Variants in CPS1 observed in about 807,000 individuals in gnomAD.
The protein encoded by CPS1 is carbamoyl-phosphate synthase [ammonia], mitochondrial.
A neutral mutation model predicts 174.6 loss-of-function variants in CPS1; 109 were observed. The ratio of observed to expected loss-of-function variants is 0.62; its 90% CI spans 0.53 to 0.73. CPS1 has a LOEUF of 0.73. Among genes scored for constraint, CPS1 ranks in the 30% least tolerant of loss-of-function variants. The pLI is 0.00. For missense variants in CPS1, 1,689 were observed against 1,821.9 expected (o/e 0.93, Z 1.33); for synonymous variants, 637 against 632.0 (o/e 1.01, Z -0.12).
chr2:210,564,407 G>T (rs1438613495), intron 1 of CPS1, among the ~76,000 whole-genome samples: 1 of 150,716 alleles, frequency 6.6e-6, no homozygotes, highest in Non-Finnish European at 1.5e-5. Context: ...ATGGAGTCTC[G>T]CTCTGTCGCC....
At chr2:210,522,095 C>T (rs1471592930) in intron 1 of CPS1, among the ~76,000 whole-genome samples, 3 of 151,890 alleles carry the variant, frequency 2.0e-5, no homozygotes, top group Non-Finnish European at 2.9e-5. Flanking sequence ...TTTTTCTGTT[C>T]CCTCTGATCT....
intron 19 of CPS1, among the ~76,000 whole-genome samples, chr2:210,609,202 C>G (rs1242871818): frequency 6.6e-6 from 1 of 151,896 alleles, no homozygotes; most frequent in African/African-American, 2.4e-5. Flanking sequence ...TTAAAGTTAG[C>G]CTTTGATTAT....
At chr2:210,503,757 C>T (rs1695207706) in intron 1 of CPS1, among the ~76,000 whole-genome samples, 1 of 152,126 alleles carries the variant, frequency 6.6e-6, no homozygotes, top group Non-Finnish European at 1.5e-5. Flanking sequence ...GTTGTTTGTT[C>T]ATAGCAGCTG....
chr2:210,548,683 T>C (rs1424755671), intron 1 of CPS1, among the ~76,000 whole-genome samples: 1 of 151,984 alleles, frequency 6.6e-6, no homozygotes, highest in Non-Finnish European at 1.5e-5. Flanking sequence ...CTTCTTGTTC[T>C]TCTTTTTTTT....
chr2:210,562,690 G>A (rs1301576115), intron 1 of CPS1, among the ~76,000 whole-genome samples: 3 of 152,054 alleles, frequency 2.0e-5, no homozygotes, highest in African/African-American at 4.8e-5. Context: ...CAGAAAGCAC[G>A]TATGTTATAT....
At chr2:210,534,097 G>A (rs1696186394) in intron 1 of CPS1, among the ~76,000 whole-genome samples, 1 of 152,190 alleles carries the variant, frequency 6.6e-6, no homozygotes, top group Non-Finnish European at 1.5e-5. Flanking sequence ...CACATATTCT[G>A]ATGAGTTAGC....
At chr2:210,493,652 G>A (rs1283887435) in intron 1 of CPS1, among the ~76,000 whole-genome samples, 3 of 152,162 alleles carry the variant, frequency 2.0e-5, no homozygotes, top group Non-Finnish European at 4.4e-5. Context: ...CGTTACTGAC[G>A]CCTTTCAGTC....
chr2:210,573,398 G>T lies in CPS1; in HGVS notation c.227G>T (p.Gly76Val). ...GCTGGTGAAGTGGTTTTTAATACTGGCCTGGGAGGGTGAGTAATGCTTTTC... is the reference window on the plus strand; with the variant it reads ...GCTGGTGAAGTGGTTTTTAATACTGTCCTGGGAGGGTGAGTAATGCTTTTC... ...SVAGEVVFNTGLGGYPEAITD... is the reference protein window; with the variant it reads ...SVAGEVVFNTVLGGYPEAITD... Residue 76 changes from glycine (G) to valine (V), a missense_variant, in exon 2 of 38, where the codon GGC becomes GTC. Gly to Val is a moderately radical substitution (Grantham distance 109). Transcript: ENST00000233072. The T allele has an allele frequency of 1.2e-6, 2 of 1,610,080 alleles. No homozygotes were observed. The highest frequency in any genetic ancestry group is 8.5e-7 in the Non-Finnish European group (1 of 1,176,538).
chr2:210,617,103 C>G (rs1699336660), intron 21 of CPS1, among the ~76,000 whole-genome samples: 1 of 151,946 alleles, frequency 6.6e-6, no homozygotes, highest in Non-Finnish European at 1.5e-5. Context: ...ATTTTTATCT[C>G]CATCATGGCC....
intron 31 of CPS1, among the ~76,000 whole-genome samples, chr2:210,659,350 G>A (rs1166501264): frequency 6.6e-6 from 1 of 152,122 alleles, no homozygotes; most frequent in African/African-American, 2.4e-5. Flanking sequence ...AGAGAAAGTA[G>A]GGGAGAGAAA....
At chr2:210,579,832 G>C in intron 5 of CPS1, 62 bp downstream of exon 5, 2 of 1,392,074 alleles carry the variant, frequency 1.4e-6, no homozygotes, top group African/African-American at 1.4e-5. Flanking sequence ...GTGTGTGTGT[G>C]TGGTGTTTCC....
At chr2:210,532,184 G>C (rs1696131175) in intron 1 of CPS1, among the ~76,000 whole-genome samples, 1 of 152,098 alleles carries the variant, frequency 6.6e-6, no homozygotes, top group South Asian at 2.1e-4. Flanking sequence ...AGGCATTTTA[G>C]AGAGCATTTA....
intron 4 of CPS1, 33 bp downstream of exon 4, chr2:210,577,543 T>A (rs755620752): frequency 2.6e-6 from 4 of 1,512,434 alleles, no homozygotes; most frequent in Non-Finnish European, 3.7e-6. Context: ...CATCATCACC[T>A]AAGGAAGGTT....
chr2:210,519,736 A>G (rs1695772409), intron 1 of CPS1: 2 of 985,208 alleles, frequency 2.0e-6, no homozygotes, highest in Non-Finnish European at 2.4e-6. Flanking sequence ...AGCATCCAGT[A>G]TGAGGGAGCA....
In CPS1 at chr2:210,512,876, A is replaced by ATATATATGGAGATATATATATATG. The variant is rs1559056038; in HGVS notation, c.3+35110_3+35111insTATATATGGAGATATATATATATG. 3.9e-5 allele frequency among the ~76,000 whole-genome samples: 2 copies of ATATATATGGAGATATATATATATG among 50,862 alleles called. 1 individual carries two copies. The highest frequency in any genetic ancestry group is 8.6e-5 in the Non-Finnish European group (2 of 23,206). 33.4% of individuals were successfully genotyped at this position (50,862 alleles called of 152,430 possible). On this transcript the variant is annotated intron_variant, in intron 1 of 38. Transcript: ENST00000430249. ...TATATATATATAGATATATATATAT[A>ATATATATGGAGATATATATATATG]GAGATATATATATGGAGATATATAT...
At chr2:210,564,101 C>A (rs1457646024) in intron 1 of CPS1, among the ~76,000 whole-genome samples, 1 of 151,990 alleles carries the variant, frequency 6.6e-6, no homozygotes, top group Non-Finnish European at 1.5e-5. Flanking sequence ...AATTTAAAAC[C>A]CCTAAAAGAG....
intron 1 of CPS1, among the ~76,000 whole-genome samples, chr2:210,561,839 T>C (rs1349752419): frequency 6.6e-6 from 1 of 152,230 alleles, no homozygotes; most frequent in Non-Finnish European, 1.5e-5. Flanking sequence ...TTTTATTTTT[T>C]TCAACTTGTT....
chr2:210,600,692 C>G lies in CPS1; in HGVS notation c.1687C>G (p.Pro563Ala). ...KLNEINEKIA[P>A]SFAVESIEDA... ...AAATGAGATCAATGAAAAGATTGCT[C>G]CAAGTTTTGCAGTGGAATCGGTAAG... The change falls in exon 15 of 38, where the codon CCA becomes GCA. Residue 563 changes from proline to alanine, a missense_variant. Pro to Ala is a conservative substitution (Grantham distance 27, BLOSUM62 -1). Transcript: ENST00000233072. 1 of 1,611,868 alleles carries G rather than the reference C, an allele frequency of 6.2e-7. No homozygotes were observed. The highest frequency in any genetic ancestry group is 1.1e-5 in the South Asian group (1 of 91,024).
chr2:210,509,154 C>G (rs1207109969), intron 1 of CPS1, among the ~76,000 whole-genome samples: 2 of 152,168 alleles, frequency 1.3e-5, no homozygotes, highest in Non-Finnish European at 2.9e-5. Context: ...AAACCGAATC[C>G]AGCAGCACAT....
Sources: gnomAD v4.1 joint callset for allele counts (sites outside exome capture counted in the v4.1 genomes callset) on GRCh38, gnomAD v4.1.1 for gene constraint, MANE v1.5 for transcripts, NCBI Gene and HGNC (gene_info 2026-07-23, HGNC 2026-07-21) for gene names.